Variants in POLD3 observed in about 807,000 individuals in gnomAD.
POLD3 encodes the protein DNA polymerase delta 3, accessory subunit.
POLD3 carries 19 observed loss-of-function variants against 58.2 expected under a neutral mutation model. That is an observed-to-expected ratio of 0.33 (90% confidence interval 0.23 to 0.48). The LOEUF (loss-of-function observed/expected upper bound fraction) is 0.48, where lower values mean the gene tolerates loss of function less well. POLD3 is among the 20% of genes least tolerant of loss of function. POLD3 has a pLI of 0.99. For synonymous variants in POLD3, 172 were observed against 193.5 expected, an observed-to-expected ratio of 0.89 and a Z score of 0.92; for missense variants, 504 against 545.5, an observed-to-expected ratio of 0.92 and a Z score of 0.76.
At position 74,593,936 on chromosome 11, in the gene POLD3, G is replaced by A. The variant is rs183845292; in HGVS notation, c.61-125G>A. On this transcript the variant is annotated intron_variant, in intron 1 of 11. Coordinates refer to ENST00000263681, the MANE Select transcript of POLD3 (RefSeq NM_006591.3). Reference sequence around the variant, plus strand: ...GATAGTTCTTGGGAAAACTGCAGTGGCATTTATTGTAATTTGTAAGGCATA... The same window carrying A: ...GATAGTTCTTGGGAAAACTGCAGTGACATTTATTGTAATTTGTAAGGCATA... 1.2e-3 allele frequency: 705 copies of A among 597,502 alleles called. 6 individuals are homozygous for A. Among genetic ancestry groups the A allele is most frequent in the Non-Finnish European group, 9.7e-5 (32 of 330,116 alleles). 37.0% of individuals were successfully genotyped at this position (597,502 alleles called of 1,614,324 possible).
chr11:74,614,164 A>G (rs1347763557), intron 5 of POLD3, among the ~76,000 whole-genome samples: 1 of 152,258 alleles, frequency 6.6e-6, no homozygotes, highest in Admixed American at 6.5e-5. Context: ...ATAAAAATTT[A>G]GACTCTATTC....
chr11:74,655,062 C>A (rs2033116280), intron 4 of POLD3, among the ~76,000 whole-genome samples: 1 of 152,198 alleles, frequency 6.6e-6, no homozygotes, highest in African/African-American at 2.4e-5. Context: ...TGTGAGAGTG[C>A]CCAACAGAAA....
At position 74,642,088 on chromosome 11, in the gene POLD3, G is replaced by C. The variant is rs1182653670; in HGVS notation, c.*1322G>C. ...GTAGCAGACAAGGGGTGTCTGACTGGCTTCTTTTGCCTCAAGATGGTGTAT... is the reference window on the plus strand; with the variant it reads ...GTAGCAGACAAGGGGTGTCTGACTGCCTTCTTTTGCCTCAAGATGGTGTAT... On this transcript the variant is annotated 3_prime_UTR_variant, in exon 12 of 12. Transcript: ENST00000263681. 1.0e-6 allele frequency: 1 copy of C among 985,306 alleles called. No homozygotes were observed. The highest frequency in any genetic ancestry group is 1.2e-6 in the Non-Finnish European group (1 of 829,950). The allele number at this position is 985,306 out of a possible 1,614,324, so 61.0% of individuals were successfully genotyped here. A position where few individuals can be genotyped will look rare whatever the true frequency, so the allele number is the denominator to read the frequency against.
chr11:74,651,703 A>G (rs550505602), intron 4 of POLD3, among the ~76,000 whole-genome samples: 5 of 152,310 alleles, frequency 3.3e-5, no homozygotes, highest in African/African-American at 1.2e-4. Flanking sequence ...AGGGAGAGGG[A>G]AGAGCATTTG....
rs754046224 is a variant in POLD3 at position 74,625,462 on chromosome 11, T to C, written c.788T>C (p.Val263Ala). The C allele has an allele frequency of 6.2e-7, 1 of 1,613,178 alleles. No homozygotes were observed. Among genetic ancestry groups the C allele is most frequent in the South Asian group, 1.1e-5 (1 of 90,916 alleles). Residue 263 changes from valine to alanine, a missense_variant, in exon 8 of 12, where the codon GTG becomes GCG. Val to Ala is a moderately conservative substitution (Grantham distance 64, BLOSUM62 0). Coordinates refer to ENST00000263681, the MANE Select transcript of POLD3 (RefSeq NM_006591.3). ...SEQAVKEEKI[V>A]EQPTVSVTEP... ...CAAGCAGTGAAAGAAGAAAAAATAG[T>C]GGAGCAGCCTACAGTGTCTGTCACG... is the stretch of plus-strand genomic sequence containing the variant.
At chr11:74,614,633 A>T (rs996120249) in intron 5 of POLD3, among the ~76,000 whole-genome samples, 1 of 151,838 alleles carries the variant, frequency 6.6e-6, no homozygotes, top group Non-Finnish European at 1.5e-5. Flanking sequence ...TGGCGTGAAC[A>T]CGGAAGGCAG....
intron 5 of POLD3, among the ~76,000 whole-genome samples, chr11:74,614,709 CAA>C (rs5792660): frequency 1.4e-5 from 2 of 146,034 alleles, no homozygotes; most frequent in African/African-American, 5.0e-5. Context: ...GACTCCAGCT[CAA>C]AAAAAAAAAA....
rs539560178 is a variant in POLD3, at chr11:74,598,630, T to A, written c.116+4514T>A. On this transcript the variant is annotated intron_variant, in intron 2 of 11. Transcript: ENST00000263681. ...TCATCTCTAGGCATCTTTATGCACA[T>A]GTCTGGCTGTTGATTCTGGCCATCT... Among the ~76,000 whole-genome samples, 7 of 152,340 alleles carry A rather than the reference T, an allele frequency of 4.6e-5. No homozygotes were observed. The South Asian group carries it at 1.5e-3, about 32-fold the overall frequency.
rs76582104 is a variant in POLD3, at chr11:74,668,336, G to A, written c.370-441G>A. 7.8e-3 allele frequency among the ~76,000 whole-genome samples: 1,194 copies of A among 152,264 alleles called. 19 individuals carry two copies. Among genetic ancestry groups the A allele is most frequent in the African/African-American group, 0.027 (1,116 of 41,538 alleles). ...TGGAAACAAGCCATATGTCTATAAG[G>A]TGATGAATGGATAAATGCAATATGA... On this transcript the variant is annotated intron_variant, in intron 4 of 4. Transcript: ENST00000524752.
rs937865693 is a variant in POLD3 at position 74,616,560 on chromosome 11, T to C, written c.393-1977T>C. Among the ~76,000 whole-genome samples the C allele has an allele frequency of 2.6e-5, 4 of 152,238 alleles. No individual in the cohort carries two copies. In the East Asian group the frequency reaches 7.7e-4, roughly 29 times the overall value. On this transcript the variant is annotated intron_variant, in intron 5 of 11. Coordinates refer to ENST00000263681, the MANE Select transcript of POLD3 (RefSeq NM_006591.3). ...ACAGTGAAATAAAACATTACTCTTT[T>C]CCTTGTATATGGAAGCACTGCAAGG...
intron 4 of POLD3, among the ~76,000 whole-genome samples, chr11:74,666,888 C>T (rs2033275165): frequency 6.7e-6 from 1 of 150,306 alleles, no homozygotes. Flanking sequence ...CAATAGGTAT[C>T]TAGATCAGTG....
chr11:74,630,978 C>T (rs544272751), intron 9 of POLD3, among the ~76,000 whole-genome samples: 2 of 152,296 alleles, frequency 1.3e-5, no homozygotes, highest in South Asian at 4.1e-4. Flanking sequence ...AATAGAGGTA[C>T]ACAGCCTATA....
downstream of POLD3, among the ~76,000 whole-genome samples, chr11:74,647,888 A>T (rs1021370593): frequency 1.3e-5 from 2 of 152,132 alleles, no homozygotes; most frequent in African/African-American, 4.8e-5. Context: ...ATTATATTAT[A>T]ATAATATTTA....
Position 74,642,428 on chromosome 11 carries a change from G to A in POLD3, c.*1662G>A. On this transcript the variant is annotated 3_prime_UTR_variant, in exon 12 of 12. Transcript: ENST00000263681. ...AACAGTTACTTTTGTCATTGCCTCTGGTCATTTGTCTAAATAGGAATGGAA... is the reference window on the plus strand; with the variant it reads ...AACAGTTACTTTTGTCATTGCCTCTAGTCATTTGTCTAAATAGGAATGGAA... 1 of 985,054 alleles carries A rather than the reference G, an allele frequency of 1.0e-6. No homozygotes were observed. Among genetic ancestry groups the A allele is most frequent in the African/African-American group, 1.7e-5 (1 of 57,336 alleles). The allele number at this position is 985,054 out of a possible 1,614,324, so 61.0% of individuals were successfully genotyped here.
chr11:74,640,709 T>A lies in POLD3; in HGVS notation c.1344T>A (p.Ala448=). Residue 448 remains alanine, a synonymous_variant, in exon 12 of 12, where the codon GCT becomes GCA. Coordinates refer to ENST00000263681, the MANE Select transcript of POLD3 (RefSeq NM_006591.3). ...EERKGPKKGT[A]ALGKANRQVS... ...GAAAGGGCCCCAAGAAAGGGACTGC[T>A]GCTCTGGGCAAAGCCAACAGACAGG... The A allele has an allele frequency of 6.2e-7, 1 of 1,612,178 alleles. No individual in the cohort carries two copies. Among genetic ancestry groups the A allele is most frequent in the Non-Finnish European group, 8.5e-7 (1 of 1,179,284 alleles).
At chr11:74,629,429 A>G in intron 9 of POLD3, 106 bp downstream of exon 9, 1 of 616,848 alleles carries the variant, frequency 1.6e-6, no homozygotes, top group Non-Finnish European at 2.8e-6. Context: ...TAGTAATTCT[A>G]GCATTAAGAG....
Position 74,641,514 on chromosome 11 carries a change from T to C in POLD3, c.*748T>C, listed in dbSNP as rs576548911. 1.0e-6 allele frequency: 1 copy of C among 985,452 alleles called. No individual in the cohort carries two copies. The highest frequency in any genetic ancestry group is 1.7e-5 in the African/African-American group (1 of 57,348). 61.0% of individuals were successfully genotyped at this position (985,452 alleles called of 1,614,324 possible). A position where few individuals can be genotyped will look rare whatever the true frequency, so the allele number is the denominator to read the frequency against. Reference sequence around the variant, plus strand: ...ACCAGAAATTACCTCGAGTCAGCATTGACGATATTGGAGGAGCTGCCGTGC... The same window carrying C: ...ACCAGAAATTACCTCGAGTCAGCATCGACGATATTGGAGGAGCTGCCGTGC... On this transcript the variant is annotated 3_prime_UTR_variant, in exon 12 of 12. Transcript: ENST00000263681.
intron 4 of POLD3, among the ~76,000 whole-genome samples, chr11:74,654,655 C>T (rs2033110459): frequency 6.6e-6 from 1 of 152,162 alleles, no homozygotes. Flanking sequence ...TGCTTCCAAC[C>T]CACCTTCTCT....
At chr11:74,652,127 A>C (rs974840192) in intron 4 of POLD3, among the ~76,000 whole-genome samples, 4 of 152,182 alleles carry the variant, frequency 2.6e-5, no homozygotes, top group Admixed American at 2.6e-4. Context: ...TTCCCTTCAC[A>C]TACTCTAGAT....
Sources: gnomAD v4.1 joint callset for allele counts (sites outside exome capture counted in the v4.1 genomes callset) on GRCh38, gnomAD v4.1.1 for gene constraint, MANE v1.5 for transcripts, NCBI Gene and HGNC (gene_info 2026-07-23, HGNC 2026-07-21) for gene names.